PSTPIP1: variants seen among roughly 807,000 people sequenced by gnomAD.
The protein encoded by PSTPIP1 is proline-serine-threonine phosphatase interacting protein 1, also known as proline-serine-threonine phosphatase-interacting protein 1.
A neutral mutation model predicts 69.6 loss-of-function variants in PSTPIP1; 66 were observed. The ratio of observed to expected loss-of-function variants is 0.95; its 90% CI spans 0.78 to 1.16. The LOEUF (loss-of-function observed/expected upper bound fraction) is 1.16, where lower values mean the gene tolerates loss of function less well. PSTPIP1 is among the 50% of genes most tolerant of loss of function. The pLI is 0.00. For synonymous variants in PSTPIP1, 266 were observed against 222.7 expected (o/e 1.19, Z -1.73); for missense variants, 603 against 557.4 (o/e 1.08, Z -0.82).
At position 77,003,791 on chromosome 15, in the gene PSTPIP1, T is replaced by G. The variant is rs183219503; in HGVS notation, c.36+8182T>G. 4.9e-4 allele frequency among the ~76,000 whole-genome samples: 74 copies of G among 152,174 alleles called. 1 individual carries two copies. Among genetic ancestry groups the G allele is most frequent in the Non-Finnish European group, 7.9e-4 (54 of 68,008 alleles). ...TTTCCTCATCTGCAGGATGTCAGGG[T>G]CGTCATCACTTAAGATAAGGGCTTT... On this transcript the variant is annotated intron_variant, in intron 1 of 14. Coordinates refer to ENST00000558012, the MANE Select transcript of PSTPIP1 (RefSeq NM_003978.5).
intron 1 of PSTPIP1, among the ~76,000 whole-genome samples, chr15:77,014,453 G>A (rs1000100601): frequency 2.0e-5 from 3 of 152,184 alleles, no homozygotes; most frequent in East Asian, 1.9e-4. Context: ...AAACAGGCCC[G>A]AGTACCCTCT....
Position 77,037,084 on chromosome 15 carries a change from G to A in PSTPIP1, c.1159G>A (p.Glu387Lys). 6.2e-7 allele frequency: 1 copy of A among 1,612,394 alleles called. No individual in the cohort carries two copies. The highest frequency in any genetic ancestry group is 1.1e-5 in the South Asian group (1 of 91,084). Residue 387 changes from glutamate to lysine, a missense_variant, in exon 15 of 15, where the codon GAG becomes AAG. Physicochemically the swap from Glu to Lys is moderately conservative, Grantham distance 56. Coordinates refer to ENST00000558012, the MANE Select transcript of PSTPIP1 (RefSeq NM_003978.5). ...GGACCTGTCCGCGGGAGACATCCTG[G>A]AGGTGATCCTGGAAGGGGAGGATGG... ...ELDLSAGDILEVILEGEDGWW... is the reference protein window; with the variant it reads ...ELDLSAGDILKVILEGEDGWW...
At chr15:77,026,308 C>T (rs1396549786) in intron 5 of PSTPIP1, 2 of 423,354 alleles carry the variant, frequency 4.7e-6, no homozygotes, top group Non-Finnish European at 9.5e-6. Context: ...GGGGCTGAGC[C>T]TCTCAGGGCC....
intron 1 of PSTPIP1, chr15:77,015,938 C>CG (rs1436006014): frequency 4.4e-6 from 2 of 456,172 alleles, no homozygotes; most frequent in South Asian, 1.5e-5. Flanking sequence ...GACTTGAGCA[C>CG]GGCGGTCACA....
intron 14 of PSTPIP1, 37 bp from the exon 15 acceptor site, chr15:77,037,008 C>G (rs773989632): frequency 6.2e-7 from 1 of 1,602,364 alleles, no homozygotes; most frequent in Non-Finnish European, 8.5e-7. Flanking sequence ...TCCCTGCAGG[C>G]CCTTCCAACG....
intron 1 of PSTPIP1, among the ~76,000 whole-genome samples, chr15:77,002,500 C>T (rs568550396): frequency 3.9e-5 from 6 of 152,318 alleles, no homozygotes; most frequent in African/African-American, 1.4e-4. Flanking sequence ...GTTGGTGTTT[C>T]TAGGCCAAAT....
At position 77,032,406 on chromosome 15, in the gene PSTPIP1, C is replaced by T. The variant is rs1012653860; in HGVS notation, c.838+12C>T. 6.2e-7 allele frequency: 1 copy of T among 1,612,320 alleles called. No individual in the cohort carries two copies. The highest frequency in any genetic ancestry group is 8.5e-7 in the Non-Finnish European group (1 of 1,179,554). Reference sequence around the variant, plus strand: ...CACAGAGCCCCCCGGTGAGGTCCGGCTTGCGGACAGCGCAGCCTCTAGGTG... The same window carrying T: ...CACAGAGCCCCCCGGTGAGGTCCGGTTTGCGGACAGCGCAGCCTCTAGGTG... On this transcript the variant is annotated intron_variant, in intron 11 of 14. Transcript: ENST00000558012.
chr15:77,023,016 C>A (rs758981494), intron 3 of PSTPIP1, among the ~76,000 whole-genome samples: 1 of 152,242 alleles, frequency 6.6e-6, no homozygotes, highest in Non-Finnish European at 1.5e-5. Context: ...TGAATGTCCA[C>A]CTGGCAGTGC....
rs751722651 is a variant in PSTPIP1 at position 77,027,430 on chromosome 15, G to A, written c.355-422G>A. ...CACAGGAATGCCTGTGATCATGCGT[G>A]TGGGCAGCTAGGGATGGGGCCTGTG... On this transcript the variant is annotated intron_variant, in intron 5 of 14. Transcript: ENST00000558012. The surrounding 1 kb of genome is among the most constrained non-coding windows in gnomAD (Gnocchi z 4.3). Among the ~76,000 whole-genome samples, 17 of 152,220 alleles carry A rather than the reference G, an allele frequency of 1.1e-4. No homozygotes were observed. Among genetic ancestry groups the A allele is most frequent in the Non-Finnish European group, 1.9e-4 (13 of 68,028 alleles).
chr15:77,021,686 A>G (rs1032511821), intron 3 of PSTPIP1, among the ~76,000 whole-genome samples: 11 of 152,164 alleles, frequency 7.2e-5, no homozygotes, highest in African/African-American at 1.9e-4. Flanking sequence ...CTTAAAAAAA[A>G]AGATAGTGTT....
rs1385725858 is a variant in PSTPIP1, at chr15:77,028,751, C to A, written c.516+99C>A. The A allele has an allele frequency of 5.8e-6, 6 of 1,042,844 alleles. No homozygotes were observed. In the Admixed American group the frequency reaches 1.5e-4, roughly 26 times the overall value. The allele number at this position is 1,042,844 out of a possible 1,614,324, so 64.6% of individuals were successfully genotyped here. ...AGACACCCCCAGGCAAGATCTGCAT[C>A]TGGGGATGCTGCTTAGCCCTCTCTG... is the stretch of plus-strand genomic sequence containing the variant. On this transcript the variant is annotated intron_variant, in intron 7 of 14. Coordinates refer to ENST00000558012, the MANE Select transcript of PSTPIP1 (RefSeq NM_003978.5).
chr15:77,018,857 G>A (rs943713617), intron 3 of PSTPIP1, among the ~76,000 whole-genome samples: 3 of 152,192 alleles, frequency 2.0e-5, no homozygotes, highest in Non-Finnish European at 4.4e-5. Context: ...TCCACTGGTG[G>A]CTCAAGTCCC....
Position 77,028,536 on chromosome 15 carries a change from G to A in PSTPIP1, c.418-18G>A, listed in dbSNP as rs1281406107. ...CAGGGCTGTGCAGCCCCCAAGTCAC[G>A]CCCCTCCACACCCCCAGTCCAAGAA... On this transcript the variant is annotated intron_variant, in intron 6 of 14. Transcript: ENST00000558012. 3.2e-6 allele frequency: 5 copies of A among 1,580,994 alleles called. No individual in the cohort carries two copies. The African/African-American group carries it at 5.4e-5, about 17-fold the overall frequency.
At chr15:77,009,961 G>T (rs2075899849) in intron 1 of PSTPIP1, among the ~76,000 whole-genome samples, 1 of 152,208 alleles carries the variant, frequency 6.6e-6, no homozygotes, top group Non-Finnish European at 1.5e-5. Context: ...GTCACTCACA[G>T]GCGGGAGTCC....
At position 77,035,909 on chromosome 15, in the gene PSTPIP1, C is replaced by T. The variant is rs748306987; in HGVS notation, c.1093C>T (p.Arg365Trp). 3.0e-5 allele frequency: 48 copies of T among 1,608,278 alleles called. No individual in the cohort carries two copies. The highest frequency in any genetic ancestry group is 4.5e-5 in the East Asian group (2 of 44,764). ...CCCGGCCTCACCAGCCCAGGAGTAC[C>T]GGGCGCTCTACGATTATACAGCGCA... ...GNPASPAQEY[R>W]ALYDYTAQNP... is the part of the protein sequence containing the mutation. Residue 365 changes from arginine (R) to tryptophan (W), a missense_variant, in exon 14 of 15, where the codon CGG becomes TGG. Transcript: ENST00000558012.
At chr15:77,022,657 G>A (rs989536242) in intron 3 of PSTPIP1, among the ~76,000 whole-genome samples, 1 of 152,226 alleles carries the variant, frequency 6.6e-6, no homozygotes, top group African/African-American at 2.4e-5. Flanking sequence ...GGGTTCTGGG[G>A]CAAAGCTGGG....
intron 14 of PSTPIP1, among the ~76,000 whole-genome samples, chr15:77,036,731 A>T (rs2076583598): frequency 6.6e-6 from 1 of 152,046 alleles, no homozygotes; most frequent in African/African-American, 2.4e-5. Context: ...CTTAGGCATG[A>T]GTGTGCCCTG....
In PSTPIP1 at chr15:76,995,403, A is replaced by T. The variant is rs546291000; in HGVS notation, c.-171A>T. ...ACAGGTTGAGCTTTTTCCTCCCCTC[A>T]GAAGCTCCTCTCTGGCTCGTGGCTG... On this transcript the variant is annotated 5_prime_UTR_variant, in exon 1 of 15. Coordinates refer to ENST00000558012, the MANE Select transcript of PSTPIP1 (RefSeq NM_003978.5). 196 of 1,463,650 alleles carry T rather than the reference A, an allele frequency of 1.3e-4. 2 individuals carry two copies. The South Asian group carries it at 2.6e-3, about 19-fold the overall frequency. The allele number at this position is 1,463,650 out of a possible 1,614,324, so 90.7% of individuals were successfully genotyped here. A position where few individuals can be genotyped will look rare whatever the true frequency, so the allele number is the denominator to read the frequency against.
At chr15:77,013,607 G>A (rs896815421) in intron 1 of PSTPIP1, among the ~76,000 whole-genome samples, 5 of 152,040 alleles carry the variant, frequency 3.3e-5, no homozygotes, top group South Asian at 2.1e-4. Flanking sequence ...AACCTCTCCC[G>A]TTGCACCCAA....
Sources: gnomAD v4.1 joint callset for allele counts (sites outside exome capture counted in the v4.1 genomes callset) on GRCh38, gnomAD v4.1.1 for gene constraint, Gnocchi (gnomAD v3.1) non-coding constraint, MANE v1.5 for transcripts, NCBI Gene and HGNC (gene_info 2026-07-23, HGNC 2026-07-21) for gene names.